The following UBE3C variants were observed in gnomAD, a reference collection of about 807,000 sequenced individuals.
UBE3C encodes ubiquitin protein ligase E3C.
Under a neutral mutation model 129.4 loss-of-function variants are expected in UBE3C, and 42 were observed. The observed-to-expected ratio is 0.32, with a 90% CI of 0.25 to 0.42. The LOEUF (loss-of-function observed/expected upper bound fraction) is 0.42, where lower values mean the gene tolerates loss of function less well. UBE3C is among the 10% of genes least tolerant of loss of function. The pLI is 1.00. For missense variants in UBE3C, 1,049 were observed against 1,319.1 expected (o/e 0.80, Z 3.17); for synonymous variants, 510 against 492.4 (o/e 1.04, Z -0.47).
intron 1 of UBE3C, among the ~76,000 whole-genome samples, chr7:157,147,400 C>T (rs1563027159): frequency 6.6e-6 from 1 of 152,194 alleles, no homozygotes; most frequent in Non-Finnish European, 1.5e-5. Context: ...GCTATAATCA[C>T]TTCTTAGTTC....
chr7:157,165,219 A>G (rs1175138671), intron 2 of UBE3C, among the ~76,000 whole-genome samples: 7 of 151,926 alleles, frequency 4.6e-5, no homozygotes, highest in Non-Finnish European at 8.8e-5. Context: ...CTTTTGCTTC[A>G]TTCTTCTCCT....
chr7:157,252,676 A>G (rs1309166179), intron 19 of UBE3C, among the ~76,000 whole-genome samples: 1 of 152,238 alleles, frequency 6.6e-6, no homozygotes, highest in Admixed American at 6.5e-5. Context: ...TGTAAATGGT[A>G]AGAGACTGGG....
intron 14 of UBE3C, chr7:157,217,203 A>C: frequency 2.8e-6 from 1 of 361,802 alleles, no homozygotes. Context: ...TTCCTTTTTA[A>C]CCTGAGATTA....
At chr7:157,194,592 G>A (rs1238977945) in intron 10 of UBE3C, among the ~76,000 whole-genome samples, 2 of 152,228 alleles carry the variant, frequency 1.3e-5, no homozygotes, top group African/African-American at 4.8e-5. Flanking sequence ...GCCTTAAACA[G>A]ACTGTTAGTA....
chr7:157,212,303 A>G (rs1809617602), intron 13 of UBE3C, among the ~76,000 whole-genome samples: 1 of 152,184 alleles, frequency 6.6e-6, no homozygotes, highest in South Asian at 2.1e-4. Flanking sequence ...TTATGATGCA[A>G]TTTAGTCTTT....
At chr7:157,220,939 AGCTC>A in intron 15 of UBE3C, 163 bp downstream of exon 15, 2 of 758,468 alleles carry the variant, frequency 2.6e-6, no homozygotes, top group Non-Finnish European at 4.1e-6. Flanking sequence ...AATTGCCTCT[AGCTC>A]CATTGCGGCC....
chr7:157,177,390 C>T (rs1047984694), intron 5 of UBE3C, among the ~76,000 whole-genome samples: 9 of 152,202 alleles, frequency 5.9e-5, no homozygotes, highest in South Asian at 4.1e-4. Flanking sequence ...AAGGCTGTCC[C>T]GATAAACCTG....
rs1795854589 is a variant in UBE3C at position 157,225,639 on chromosome 7, C to T, written c.2233+100C>T. On this transcript the variant is annotated intron_variant, in intron 17 of 22. Transcript: ENST00000348165. The stretch of plus-strand genomic sequence containing the variant: ...AAAAATTAGTGTCCATCATCTTGTT[C>T]CATAATGACTTAAAAACTGAAATGT... 36 of 1,336,444 alleles carry T rather than the reference C, an allele frequency of 2.7e-5. No individual in the cohort carries two copies. In the South Asian group the frequency reaches 4.9e-4, roughly 18 times the overall value. 82.8% of individuals were successfully genotyped at this position (1,336,444 alleles called of 1,614,324 possible).
rs1460182012 is a variant in UBE3C, at chr7:157,178,815, T to C, written c.584T>C (p.Ile195Thr). The C allele has an allele frequency of 2.5e-6, 4 of 1,614,214 alleles. No homozygotes were observed. Among genetic ancestry groups the C allele is most frequent in the Non-Finnish European group, 3.4e-6 (4 of 1,180,026 alleles). The change falls in exon 6 of 23, where the codon ATT (isoleucine) becomes ACT (threonine). Residue 195 changes from isoleucine (I) to threonine (T), a missense_variant. By Grantham distance (89) the Ile-to-Thr change is moderately conservative (BLOSUM62 -1). Around this residue, in one of 4 missense-constraint regions of UBE3C, gnomAD observed 489 missense variants for 513.8 expected, o/e 0.95. Transcript: ENST00000348165. ...LQDASYVVSV[I>T]EQILHYMIHN... ...GATGCTAGCTATGTGGTGTCAGTGATTGAACAAATTTTGCACTACATGATT... is the reference window on the plus strand; with the variant it reads ...GATGCTAGCTATGTGGTGTCAGTGACTGAACAAATTTTGCACTACATGATT...
At chr7:157,157,927 C>T (rs2116840618) in intron 1 of UBE3C, among the ~76,000 whole-genome samples, 1 of 150,904 alleles carries the variant, frequency 6.6e-6, no homozygotes, top group African/African-American at 2.4e-5. Context: ...TTGCAGTGAG[C>T]CAAGATCGTG....
rs1348989993 is a variant in UBE3C at position 157,217,080 on chromosome 7, A to G, written c.1914+109A>G. 4.9e-6 allele frequency: 4 copies of G among 812,618 alleles called. No individual in the cohort carries two copies. The African/African-American group carries it at 5.2e-5, about 11-fold the overall frequency. The allele number at this position is 812,618 out of a possible 1,614,324, so 50.3% of individuals were successfully genotyped here. A position where few individuals can be genotyped will look rare whatever the true frequency, so the allele number is the denominator to read the frequency against. ...TAAAATTATTTATTTTATGACTCAT[A>G]TGACTAAATAGTAATGATAAACCTT... On this transcript the variant is annotated intron_variant, in intron 14 of 22. Coordinates refer to ENST00000348165, the MANE Select transcript of UBE3C (RefSeq NM_014671.3).
At chr7:157,252,370 G>A (rs550197319) in intron 19 of UBE3C, among the ~76,000 whole-genome samples, 3 of 152,250 alleles carry the variant, frequency 2.0e-5, no homozygotes, top group South Asian at 2.1e-4. Context: ...TGTCAGCTGA[G>A]TACAAGCAAA....
In UBE3C at chr7:157,186,860, C is replaced by T. The variant is rs764130455; in HGVS notation, c.1170C>T (p.Tyr390=). Reference sequence around the variant, plus strand: ...AGGATGGCAGACTGTCAGTATCATACATAACAGAGGAATGCCTGAAGAAGC... The same window carrying T: ...AGGATGGCAGACTGTCAGTATCATATATAACAGAGGAATGCCTGAAGAAGC... ...SPEDGRLSVS[Y]ITEECLKKLD... Residue 390 remains tyrosine (Y), a synonymous_variant, in exon 10 of 23, where the codon TAC becomes TAT. Coordinates refer to ENST00000348165, the MANE Select transcript of UBE3C (RefSeq NM_014671.3). 73 of 1,614,160 alleles carry T rather than the reference C, an allele frequency of 4.5e-5. No homozygotes were observed. The South Asian group carries it at 7.1e-4, about 16-fold the overall frequency.
At chr7:157,241,552 A>G (rs1164547778) in intron 18 of UBE3C, among the ~76,000 whole-genome samples, 1 of 152,236 alleles carries the variant, frequency 6.6e-6, no homozygotes, top group Non-Finnish European at 1.5e-5. Context: ...GAATCAAACC[A>G]GGAACCGCAG....
At chr7:157,223,610 G>A (rs1214210236) in intron 16 of UBE3C, among the ~76,000 whole-genome samples, 3 of 152,086 alleles carry the variant, frequency 2.0e-5, no homozygotes, top group Non-Finnish European at 2.9e-5. Flanking sequence ...AGGGTCTAAC[G>A]TCATTTTTCT....
chr7:157,242,268 A>G (rs1285780557), intron 18 of UBE3C, among the ~76,000 whole-genome samples: 1 of 152,186 alleles, frequency 6.6e-6, no homozygotes, highest in Non-Finnish European at 1.5e-5. Context: ...TAAAGCTGGA[A>G]GGAGTATAGT....
At position 157,174,931 on chromosome 7, in the gene UBE3C, C is replaced by A; in HGVS notation, c.355C>A (p.Gln119Lys). The A allele has an allele frequency of 6.2e-7, 1 of 1,609,030 alleles. No individual in the cohort carries two copies. The highest frequency in any genetic ancestry group is 8.5e-7 in the Non-Finnish European group (1 of 1,177,818). ...EDSKRLIWLY[Q>K]NLIKHSSLFV... ...TTTGCTGTTTCAGATATGGCTGTAT[C>A]AGAACTTAATTAAACACAGCTCTCT... is the stretch of plus-strand genomic sequence containing the variant. Residue 119 changes from glutamine (Q) to lysine (K), a missense_variant, in exon 5 of 23, where the codon CAG (glutamine) becomes AAG (lysine). Physicochemically the swap from Gln to Lys is moderately conservative, Grantham distance 53. Transcript: ENST00000348165.
intron 10 of UBE3C, among the ~76,000 whole-genome samples, chr7:157,194,668 G>A (rs536699563): frequency 2.6e-5 from 4 of 152,160 alleles, no homozygotes; most frequent in Non-Finnish European, 5.9e-5. Context: ...AGAATACCTC[G>A]ATTGCGGTAA....
At chr7:157,199,681 G>C (rs1319093706) in intron 10 of UBE3C, among the ~76,000 whole-genome samples, 2 of 151,856 alleles carry the variant, frequency 1.3e-5, no homozygotes, top group African/African-American at 4.8e-5. Context: ...ATGTTGGCCA[G>C]TCTGGTCTCG....
Sources: gnomAD v4.1 joint callset for allele counts (sites outside exome capture counted in the v4.1 genomes callset) on GRCh38, gnomAD v4.1.1 for gene constraint, gnomAD v4.1.1 regional missense constraint, MANE v1.5 for transcripts, NCBI Gene and HGNC (gene_info 2026-07-23, HGNC 2026-07-21) for gene names.